The following COL9A1 variants were observed in gnomAD, a reference collection of about 807,000 sequenced individuals.
The protein encoded by COL9A1 is collagen alpha-1(IX) chain.
COL9A1 carries 104 observed loss-of-function variants against 142.6 expected under a neutral mutation model. The observed-to-expected ratio is 0.73, with a 90% CI of 0.62 to 0.86. COL9A1 has a LOEUF of 0.86. Ranked by LOEUF, COL9A1 falls within the 40% of genes least tolerant of loss-of-function variation. The probability of loss-of-function intolerance (pLI) is 0.00; values close to 1 mark genes in which losing one functional copy is unlikely to be tolerated. For synonymous variants in COL9A1, 466 were observed against 396.0 expected, an observed-to-expected ratio of 1.18 and a Z score of -2.10; for missense variants, 1,210 against 1,176.6, an observed-to-expected ratio of 1.03 and a Z score of -0.42.
Position 70,240,666 on chromosome 6 carries a change from T to A in COL9A1, c.2079+23A>T, listed in dbSNP as rs1770199913. 4 of 1,601,606 alleles carry A rather than the reference T, an allele frequency of 2.5e-6. No individual in the cohort carries two copies. The African/African-American group carries it at 5.4e-5, about 22-fold the overall frequency. The stretch of plus-strand genomic sequence containing the variant: ...TTCAAAATTGGTAAAGCTTCATCAT[T>A]AACCAGAAAAAAAAAATCTTACAAG... On this transcript the variant is annotated intron_variant, in intron 32 of 37. Coordinates refer to ENST00000357250, the MANE Select transcript of COL9A1 (RefSeq NM_001851.6).
intron 17 of COL9A1, among the ~76,000 whole-genome samples, chr6:70,267,476 C>G (rs959307047): frequency 1.3e-5 from 2 of 152,104 alleles, no homozygotes; most frequent in Non-Finnish European, 2.9e-5. Flanking sequence ...GCGTGTGCCA[C>G]TATGCCCGGC....
rs952378071 is a variant in COL9A1 at position 70,263,373 on chromosome 6, A to G, written c.1342-76T>C. 9 of 1,301,332 alleles carry G rather than the reference A, an allele frequency of 6.9e-6. No individual in the cohort carries two copies. In the South Asian group the frequency reaches 8.1e-5, roughly 12 times the overall value. The allele number at this position is 1,301,332 out of a possible 1,614,324, so 80.6% of individuals were successfully genotyped here. On this transcript the variant is annotated intron_variant, in intron 18 of 37. Coordinates refer to ENST00000357250, the MANE Select transcript of COL9A1 (RefSeq NM_001851.6). Reference sequence around the variant, plus strand: ...ACGAACATAGAAATAGGCTTGGTCTAACTCATTATGTTTTAAGTTAACTTG... The same window carrying G: ...ACGAACATAGAAATAGGCTTGGTCTGACTCATTATGTTTTAAGTTAACTTG...
chr6:70,227,957 C>T (rs142393676), intron 36 of COL9A1, among the ~76,000 whole-genome samples: 64 of 151,898 alleles, frequency 4.2e-4, no homozygotes, highest in African/African-American at 1.3e-3. Flanking sequence ...TATAGAATTG[C>T]TTGTAAGGAT....
intron 37 of COL9A1, among the ~76,000 whole-genome samples, chr6:70,219,000 ATG>A (rs1430986414): frequency 6.6e-6 from 1 of 152,290 alleles, no homozygotes; most frequent in African/African-American, 2.4e-5. Flanking sequence ...GCAGATCATT[ATG>A]TGTTTTCTTT....
intron 4 of COL9A1, among the ~76,000 whole-genome samples, chr6:70,297,595 T>C (rs1773890846): frequency 6.6e-6 from 1 of 152,142 alleles, no homozygotes; most frequent in African/African-American, 2.4e-5. Context: ...CATCAATAAG[T>C]AAACTTGACA....
chr6:70,295,623 A>C (rs1006595557), intron 4 of COL9A1, among the ~76,000 whole-genome samples: 1 of 152,022 alleles, frequency 6.6e-6, no homozygotes, highest in African/African-American at 2.4e-5. Flanking sequence ...AGTCTGTATC[A>C]TTGCTAACTC....
At chr6:70,222,003 C>T (rs1386127267) in intron 37 of COL9A1, among the ~76,000 whole-genome samples, 2 of 152,182 alleles carry the variant, frequency 1.3e-5, no homozygotes, top group Non-Finnish European at 1.5e-5. Context: ...GCTCAATTCA[C>T]ATGTCTAGGT....
chr6:70,268,660 C>A lies in COL9A1; in HGVS notation c.1287+144G>T, dbSNP rs146610513. Reference sequence around the variant, plus strand: ...GGAATACAGGAATACATGTCAAGGGCAACTGGAATTGCTAGGACTGAATAA... The same window carrying A: ...GGAATACAGGAATACATGTCAAGGGAAACTGGAATTGCTAGGACTGAATAA... On this transcript the variant is annotated intron_variant, in intron 17 of 37. Coordinates refer to ENST00000357250, the MANE Select transcript of COL9A1 (RefSeq NM_001851.6). 1,059 of 723,638 alleles carry A rather than the reference C, an allele frequency of 1.5e-3. 17 individuals carry two copies. In the African/African-American group the frequency reaches 0.016, roughly 11 times the overall value. 44.8% of individuals were successfully genotyped at this position (723,638 alleles called of 1,614,324 possible). A position where few individuals can be genotyped will look rare whatever the true frequency, so the allele number is the denominator to read the frequency against.
intron 17 of COL9A1, among the ~76,000 whole-genome samples, chr6:70,267,319 G>GTTTT (rs1050364230): frequency 3.0e-4 from 30 of 99,670 alleles, no homozygotes; most frequent in African/African-American, 4.9e-4. Flanking sequence ...TGTTTGTTTG[G>GTTTT]TTTTTTTGTT....
intron 37 of COL9A1, among the ~76,000 whole-genome samples, chr6:70,218,815 G>T (rs1768695950): frequency 6.6e-6 from 1 of 151,872 alleles, no homozygotes; most frequent in African/African-American, 2.4e-5. Context: ...TTCCTCTGGT[G>T]CATACACTTC....
chr6:70,272,615 G>C (rs905504495), intron 12 of COL9A1, among the ~76,000 whole-genome samples: 1 of 152,090 alleles, frequency 6.6e-6, no homozygotes, highest in Admixed American at 6.6e-5. Context: ...GAATCCAGTA[G>C]ATATTGAAAA....
At chr6:70,254,326 T>C (rs1771130024) in intron 25 of COL9A1, 150 bp downstream of exon 25, 2 of 667,742 alleles carry the variant, frequency 3.0e-6, no homozygotes, top group Admixed American at 2.9e-5. Flanking sequence ...GTATAAAATA[T>C]AAAATACAAA....
intron 32 of COL9A1, among the ~76,000 whole-genome samples, chr6:70,239,782 A>C (rs1401627393): frequency 6.6e-6 from 1 of 152,182 alleles, no homozygotes; most frequent in African/African-American, 2.4e-5. Flanking sequence ...GCTAGTTATA[A>C]ACTCAGCTCA....
intron 36 of COL9A1, among the ~76,000 whole-genome samples, chr6:70,227,591 T>C (rs80164481): frequency 0.019 from 2,837 of 152,136 alleles, 41 homozygotes; most frequent in Middle Eastern, 0.044. Flanking sequence ...AATTTGACAA[T>C]AGCTATCAAA....
chr6:70,269,755 A>G (rs1244920235), intron 15 of COL9A1, 90 bp from the exon 16 acceptor site: 20 of 793,880 alleles, frequency 2.5e-5, no homozygotes, highest in Non-Finnish European at 3.9e-5. Flanking sequence ...GCAAAAGTAT[A>G]AAATATATTT....
chr6:70,237,846 A>G (rs1562294833), intron 33 of COL9A1, among the ~76,000 whole-genome samples: 1 of 152,254 alleles, frequency 6.6e-6, no homozygotes, highest in Non-Finnish European at 1.5e-5. Context: ...AAAGAGCCCA[A>G]GGCTAGGCAT....
intron 36 of COL9A1, 129 bp from the exon 37 acceptor site, chr6:70,226,138 G>C: frequency 1.3e-6 from 1 of 777,412 alleles, no homozygotes; most frequent in Non-Finnish European, 2.1e-6. Flanking sequence ...CTAGATTGTA[G>C]TGAGTATGTA....
intron 5 of COL9A1, among the ~76,000 whole-genome samples, chr6:70,289,268 A>T (rs1773569685): frequency 6.6e-6 from 1 of 152,198 alleles, no homozygotes; most frequent in African/African-American, 2.4e-5. Flanking sequence ...GTATATTTTT[A>T]TAGAAATAAA....
chr6:70,280,479 C>T (rs561356252), intron 10 of COL9A1: 11 of 1,296,838 alleles, frequency 8.5e-6, no homozygotes, highest in African/African-American at 6.0e-5. Context: ...CAATCTATTG[C>T]CATCCGTACC....
Sources: allele counts gnomAD v4.1 joint callset (sites outside exome capture counted in the v4.1 genomes callset), GRCh38; gene constraint gnomAD v4.1.1; transcripts MANE v1.5; gene names NCBI Gene and HGNC (gene_info 2026-07-23, HGNC 2026-07-21).